PDE4D: variants seen among roughly 807,000 people sequenced by gnomAD.
The protein encoded by PDE4D is phosphodiesterase 4D.
In PDE4D, 24 loss-of-function variants were observed where a neutral mutation model predicts 87.4. The ratio of observed to expected loss-of-function variants is 0.27; its 90% confidence interval spans 0.20 to 0.39. The LOEUF (loss-of-function observed/expected upper bound fraction) is 0.39. PDE4D is among the 10% of genes least tolerant of loss of function. The probability of loss-of-function intolerance (pLI) is 1.00; values close to 1 mark genes in which losing one functional copy is unlikely to be tolerated. For missense variants in PDE4D, 714 were observed against 1,041.0 expected (o/e 0.69, Z 4.32); for synonymous variants, 384 against 383.2 (o/e 1.00, Z -0.02).
intron 3 of PDE4D, among the ~76,000 whole-genome samples, chr5:59,903,043 T>C (rs1394022031): frequency 6.6e-6 from 1 of 152,082 alleles, no homozygotes; most frequent in Non-Finnish European, 1.5e-5. Flanking sequence ...AAATCCAAGG[T>C]AAACCTGTTC....
intron 3 of PDE4D, among the ~76,000 whole-genome samples, chr5:59,945,104 C>T (rs1214577486): frequency 6.6e-6 from 1 of 152,142 alleles, no homozygotes; most frequent in African/African-American, 2.4e-5. Flanking sequence ...ACTATTATTA[C>T]TTTGCCAAGT....
intron 5 of PDE4D, among the ~76,000 whole-genome samples, chr5:59,090,563 C>T (rs760013386): frequency 1.3e-5 from 2 of 152,012 alleles, no homozygotes; most frequent in Non-Finnish European, 1.5e-5. Flanking sequence ...GCATGAGAAA[C>T]GCTATCATCA....
chr5:60,375,920 TC>T (rs1473236412), intron 1 of PDE4D, among the ~76,000 whole-genome samples: 1 of 152,112 alleles, frequency 6.6e-6, no homozygotes, highest in Non-Finnish European at 1.5e-5. Context: ...GCGCCTGTAG[TC>T]CCAGCTACTT....
intron 1 of PDE4D, among the ~76,000 whole-genome samples, chr5:60,418,945 A>C (rs1742857187): frequency 6.6e-6 from 1 of 152,318 alleles, no homozygotes; most frequent in South Asian, 2.1e-4. Flanking sequence ...AAACATAAGA[A>C]TAAAAAATAG....
chr5:59,489,819 TCTCC>T (rs1562275075), intron 1 of PDE4D, among the ~76,000 whole-genome samples: 1 of 152,186 alleles, frequency 6.6e-6, no homozygotes, highest in Non-Finnish European at 1.5e-5. Flanking sequence ...TTTTCAGTTT[TCTCC>T]CTATTTCTTT....
intron 1 of PDE4D, among the ~76,000 whole-genome samples, chr5:59,638,732 T>C (rs980935377): frequency 3.9e-5 from 6 of 151,998 alleles, no homozygotes; most frequent in African/African-American, 1.4e-4. Context: ...CATTTGTAAA[T>C]AGAGGGAATA....
chr5:59,573,452 C>T lies in PDE4D; in HGVS notation c.455+319716G>A, dbSNP rs934628537. 2.0e-4 allele frequency among the ~76,000 whole-genome samples: 30 copies of T among 152,200 alleles called. No individual in the cohort carries two copies. In the South Asian group the frequency reaches 3.1e-3, roughly 16 times the overall value. On this transcript the variant is annotated intron_variant, in intron 1 of 14. Transcript: ENST00000340635. ...ACCCTCCCCAATACCCCTCACCCAC[C>T]GAACCACTGTCAGTACTGGGGAGGG...
At chr5:59,342,160 G>T (rs1433654327) in intron 1 of PDE4D, among the ~76,000 whole-genome samples, 1 of 152,082 alleles carries the variant, frequency 6.6e-6, no homozygotes, top group Non-Finnish European at 1.5e-5. Flanking sequence ...ACCTGAATTA[G>T]GTCCTTAAAA....
chr5:59,340,795 GT>G (rs1177625245), intron 1 of PDE4D, among the ~76,000 whole-genome samples: 1 of 152,056 alleles, frequency 6.6e-6, no homozygotes, highest in African/African-American at 2.4e-5. Flanking sequence ...GTCTTTCTGT[GT>G]GTGGCTTATT....
intron 6 of PDE4D, among the ~76,000 whole-genome samples, chr5:59,004,752 C>G (rs1286799367): frequency 1.3e-5 from 2 of 152,246 alleles, no homozygotes; most frequent in Non-Finnish European, 1.5e-5. Context: ...TTGTGTGGGA[C>G]ACACAGCAAA....
chr5:59,488,676 C>CT (rs11412476), intron 1 of PDE4D, among the ~76,000 whole-genome samples: 40,749 of 144,756 alleles, frequency 0.28, 6,940 homozygotes, highest in African/African-American at 0.5. Context: ...AGATAATCTT[C>CT]TTTTTTTTTT....
intron 1 of PDE4D, among the ~76,000 whole-genome samples, chr5:59,689,553 C>T (rs298078): frequency 0.76 from 114,786 of 152,014 alleles, 43,475 homozygotes; most frequent in East Asian, 0.84. Flanking sequence ...ATAAACTAGG[C>T]ATTGATGGGA....
At chr5:60,141,015 C>A (rs1366452552) in intron 2 of PDE4D, among the ~76,000 whole-genome samples, 1 of 152,100 alleles carries the variant, frequency 6.6e-6, no homozygotes, top group Non-Finnish European at 1.5e-5. Flanking sequence ...AGAAAGCTAC[C>A]AAGAATGAAG....
intron 6 of PDE4D, among the ~76,000 whole-genome samples, chr5:59,029,141 G>T (rs1347861137): frequency 1.3e-5 from 2 of 151,926 alleles, no homozygotes; most frequent in Admixed American, 6.6e-5. Flanking sequence ...AGCCAGGCGT[G>T]GTGGCTCACT....
intron 2 of PDE4D, among the ~76,000 whole-genome samples, chr5:59,198,331 A>C (rs1002012364): frequency 2.0e-5 from 3 of 152,234 alleles, no homozygotes; most frequent in Non-Finnish European, 4.4e-5. Context: ...ATGTATGCAC[A>C]CATGTATACA....
chr5:59,832,284 G>T (rs1741363015), intron 1 of PDE4D, among the ~76,000 whole-genome samples: 1 of 152,086 alleles, frequency 6.6e-6, no homozygotes, highest in Admixed American at 6.6e-5. Flanking sequence ...GATTCTGCCA[G>T]ACCTCTAATT....
At chr5:59,031,391 ATTATATATATATATATATATATAT>A (rs1561348210) in intron 6 of PDE4D, among the ~76,000 whole-genome samples, 1,017 of 32,072 alleles carry the variant, frequency 0.032, 9 homozygotes, top group African/African-American at 0.16. Flanking sequence ...ATATATATAT[ATTATATATATATATATATATATAT>A]AGATTATACA....
intron 1 of PDE4D, among the ~76,000 whole-genome samples, chr5:59,466,308 G>A (rs970710671): frequency 2.6e-5 from 4 of 152,146 alleles, no homozygotes; most frequent in Middle Eastern, 3.2e-3. Context: ...CACCCAATCT[G>A]CTACCTTGCA....
At chr5:60,144,636 T>C (rs1780842862) in intron 2 of PDE4D, among the ~76,000 whole-genome samples, 1 of 152,222 alleles carries the variant, frequency 6.6e-6, no homozygotes, top group Non-Finnish European at 1.5e-5. Flanking sequence ...ATTCTATCTA[T>C]TTCTCAAAGC....
Sources: gnomAD v4.1 joint callset for allele counts (sites outside exome capture counted in the v4.1 genomes callset) on GRCh38, gnomAD v4.1.1 for gene constraint, MANE v1.5 for transcripts, NCBI Gene and HGNC (gene_info 2026-07-23, HGNC 2026-07-21) for gene names.